The following NT5DC1 variants were observed in gnomAD, a reference collection of about 807,000 sequenced individuals.
NT5DC1 encodes 5'-nucleotidase domain containing 1.
NT5DC1 carries 42 observed loss-of-function variants against 59.4 expected under a neutral mutation model. The observed-to-expected ratio is 0.71, with a 90% confidence interval of 0.55 to 0.92. The LOEUF is 0.92. Ranked by LOEUF, NT5DC1 falls within the 40% of genes least tolerant of loss-of-function variation. NT5DC1 has a pLI of 0.00. For synonymous variants in NT5DC1, 172 were observed against 188.1 expected (o/e 0.91, Z 0.70); for missense variants, 501 against 537.1 (o/e 0.93, Z 0.66).
chr6:116,161,121 C>A (rs1434301919), intron 6 of NT5DC1, among the ~76,000 whole-genome samples: 1 of 145,494 alleles, frequency 6.9e-6, no homozygotes, highest in East Asian at 2.1e-4. Flanking sequence ...TGTTCTCACT[C>A]ATAGGTGGGA....
chr6:116,159,681 T>C (rs1780283595), intron 6 of NT5DC1, among the ~76,000 whole-genome samples: 1 of 152,206 alleles, frequency 6.6e-6, no homozygotes, highest in South Asian at 2.1e-4. Context: ...TTAACGTGGG[T>C]ATATTGCATA....
rs575195143 is a variant in NT5DC1, at chr6:116,133,565, A to G, written c.529+15620A>G. 7.2e-5 allele frequency among the ~76,000 whole-genome samples: 11 copies of G among 152,318 alleles called. No individual in the cohort carries two copies. The South Asian group carries it at 1.5e-3, about 20-fold the overall frequency. On this transcript the variant is annotated intron_variant, in intron 6 of 11. Coordinates refer to ENST00000319550, the MANE Select transcript of NT5DC1 (RefSeq NM_152729.3). ...GTCTGTGTGGCAACACAGACCACCAAGAAACCCATCGTCAAAACGGATACT... is the reference window on the plus strand; with the variant it reads ...GTCTGTGTGGCAACACAGACCACCAGGAAACCCATCGTCAAAACGGATACT...
In NT5DC1 at chr6:116,107,101, G is replaced by A. The variant is rs1273623160; in HGVS notation, c.185+766G>A. Among the ~76,000 whole-genome samples, 7 of 151,586 alleles carry A rather than the reference G, an allele frequency of 4.6e-5. No individual in the cohort carries two copies. In the East Asian group the frequency reaches 1.4e-3, roughly 29 times the overall value. On this transcript the variant is annotated intron_variant, in intron 2 of 11. Transcript: ENST00000319550. ...CCAGCTACTGGAGAGACTAAGGTGGGAGGATTGCCTGAACCCAGGAGGTCC... is the reference window on the plus strand; with the variant it reads ...CCAGCTACTGGAGAGACTAAGGTGGAAGGATTGCCTGAACCCAGGAGGTCC...
intron 6 of NT5DC1, among the ~76,000 whole-genome samples, chr6:116,164,849 C>T (rs1046240695): frequency 6.6e-6 from 1 of 151,812 alleles, no homozygotes; most frequent in Admixed American, 6.6e-5. Flanking sequence ...TTTGGGAGGC[C>T]GAGGCAGGCA....
intron 6 of NT5DC1, among the ~76,000 whole-genome samples, chr6:116,193,282 T>C (rs1313585025): frequency 6.6e-6 from 1 of 152,088 alleles, no homozygotes; most frequent in Non-Finnish European, 1.5e-5. Flanking sequence ...ATATTGTGCT[T>C]TCCTTATAGG....
intron 6 of NT5DC1, among the ~76,000 whole-genome samples, chr6:116,174,281 G>A (rs1475182059): frequency 1.3e-5 from 2 of 152,044 alleles, no homozygotes; most frequent in African/African-American, 4.8e-5. Context: ...CAAGAGTGAC[G>A]GGTAGGTGTT....
At chr6:116,101,632 G>A (rs1778659236) in intron 1 of NT5DC1, among the ~76,000 whole-genome samples, 1 of 152,080 alleles carries the variant, frequency 6.6e-6, no homozygotes. Flanking sequence ...ATTGCGCATC[G>A]ACTACGTGCT....
In NT5DC1 at chr6:116,128,441, AC is replaced by A. The variant is rs772689130; in HGVS notation, c.529+10497del. Among the ~76,000 whole-genome samples, 1,403 of 152,268 alleles carry A rather than the reference AC, an allele frequency of 9.2e-3. 21 individuals carry two copies. Among genetic ancestry groups the A allele is most frequent in the Non-Finnish European group, 0.013 (878 of 67,998 alleles). ...TGGCTTTATGAAGGAAACCCATTCC[AC>A]TCAAAACAGAGAGCCATACTCTTTA... On this transcript the variant is annotated intron_variant, in intron 6 of 11. Transcript: ENST00000319550.
chr6:116,138,849 AATAG>A (rs1352500639), intron 6 of NT5DC1, among the ~76,000 whole-genome samples: 1 of 152,146 alleles, frequency 6.6e-6, no homozygotes, highest in Non-Finnish European at 1.5e-5. Flanking sequence ...AGAGAGTAAG[AATAG>A]ATAGTGAATA....
chr6:116,195,364 G>A (rs1233333002), intron 6 of NT5DC1, among the ~76,000 whole-genome samples: 1 of 151,748 alleles, frequency 6.6e-6, no homozygotes, highest in Non-Finnish European at 1.5e-5. Flanking sequence ...ACCATTTTCT[G>A]TATTTTTCTA....
intron 8 of NT5DC1, among the ~76,000 whole-genome samples, chr6:116,229,408 A>G (rs998864337): frequency 6.6e-6 from 1 of 152,186 alleles, no homozygotes; most frequent in Admixed American, 6.5e-5. Context: ...CCAATCACGA[A>G]ACACAGCATG....
chr6:116,118,231 C>G, intron 6 of NT5DC1: 1 of 406,576 alleles, frequency 2.5e-6, no homozygotes, highest in Non-Finnish European at 4.5e-6. Flanking sequence ...TCCAGTTTTG[C>G]TTTTTCATGG....
chr6:116,217,001 G>A (rs538494571), intron 6 of NT5DC1, among the ~76,000 whole-genome samples: 1 of 152,260 alleles, frequency 6.6e-6, no homozygotes, highest in East Asian at 1.9e-4. Context: ...GGAAGTGTTA[G>A]CATCCTGGCA....
chr6:116,204,179 T>C (rs1781400270), intron 6 of NT5DC1, among the ~76,000 whole-genome samples: 1 of 151,952 alleles, frequency 6.6e-6, no homozygotes, highest in South Asian at 2.1e-4. Flanking sequence ...CTTCAGGAGT[T>C]AATACCACCG....
At chr6:116,152,202 A>G (rs1385238970) in intron 6 of NT5DC1, among the ~76,000 whole-genome samples, 1 of 152,196 alleles carries the variant, frequency 6.6e-6, no homozygotes, top group East Asian at 1.9e-4. Flanking sequence ...AAGATTTAGA[A>G]TTTGAAATGA....
chr6:116,148,599 A>G (rs1029145665), intron 6 of NT5DC1, among the ~76,000 whole-genome samples: 1 of 152,164 alleles, frequency 6.6e-6, no homozygotes, highest in Non-Finnish European at 1.5e-5. Context: ...ACAGTTTATT[A>G]TATGTATTTT....
At chr6:116,121,422 C>T in intron 6 of NT5DC1, 1 of 1,614,166 alleles carries the variant, frequency 6.2e-7, no homozygotes, top group Non-Finnish European at 8.5e-7. Context: ...CCTTTGATGC[C>T]TGGCTGTCCT....
At chr6:116,121,252 T>C in intron 6 of NT5DC1, 2 of 1,613,828 alleles carry the variant, frequency 1.2e-6, no homozygotes, top group Non-Finnish European at 1.7e-6. Context: ...GCCCAGCTAT[T>C]CCTGGAGCCC....
At chr6:116,103,602 A>T (rs777202356) in intron 1 of NT5DC1, among the ~76,000 whole-genome samples, 17 of 152,096 alleles carry the variant, frequency 1.1e-4, no homozygotes, top group Non-Finnish European at 2.1e-4. Context: ...TGCAAGCAAA[A>T]GGTGGCAAGT....
Sources: gnomAD v4.1 joint callset for allele counts (sites outside exome capture counted in the v4.1 genomes callset) on GRCh38, gnomAD v4.1.1 for gene constraint, MANE v1.5 for transcripts, NCBI Gene and HGNC (gene_info 2026-07-23, HGNC 2026-07-21) for gene names.